Variants in ETS1 observed in about 807,000 individuals in gnomAD.
ETS1 encodes the protein ETS proto-oncogene 1, transcription factor.
ETS1 carries 15 observed loss-of-function variants against 58.6 expected under a neutral mutation model. The ratio of observed to expected loss-of-function variants is 0.26; its 90% CI spans 0.17 to 0.39. ETS1 has a LOEUF of 0.39. Ranked by LOEUF, ETS1 falls within the 10% of genes least tolerant of loss-of-function variation. ETS1 has a pLI of 1.00. For synonymous variants in ETS1, 214 were observed against 218.2 expected (o/e 0.98, Z 0.17); for missense variants, 417 against 610.5 (o/e 0.68, Z 3.34).
chr11:128,538,646 T>C (rs1864006071), intron 3 of ETS1, among the ~76,000 whole-genome samples: 1 of 152,136 alleles, frequency 6.6e-6, no homozygotes, highest in Non-Finnish European at 1.5e-5. Context: ...TTGGTAAGAT[T>C]TAAACAGGGT....
intron 3 of ETS1, among the ~76,000 whole-genome samples, chr11:128,518,799 G>A (rs958274980): frequency 1.3e-5 from 2 of 152,244 alleles, no homozygotes; most frequent in African/African-American, 4.8e-5. Context: ...CTATCTCTAA[G>A]TATAACGCAT....
At chr11:128,532,352 G>A (rs566317150) in intron 3 of ETS1, among the ~76,000 whole-genome samples, 22 of 152,332 alleles carry the variant, frequency 1.4e-4, no homozygotes, top group Admixed American at 7.2e-4. Context: ...TAAAAACACA[G>A]AATTTGCCAT....
intron 3 of ETS1, among the ~76,000 whole-genome samples, chr11:128,496,155 C>A (rs571265376): frequency 1.3e-5 from 2 of 152,114 alleles, no homozygotes; most frequent in South Asian, 4.2e-4. Context: ...AGAAAAAAAG[C>A]CTTCAAGTTA....
At chr11:128,468,443 T>C (rs1200343654) in intron 8 of ETS1, among the ~76,000 whole-genome samples, 1 of 152,186 alleles carries the variant, frequency 6.6e-6, no homozygotes, top group Non-Finnish European at 1.5e-5. Flanking sequence ...TTTCCCGATT[T>C]GTCAGTATCA....
chr11:128,574,707 C>A (rs1405940799), intron 1 of ETS1, among the ~76,000 whole-genome samples: 1 of 152,142 alleles, frequency 6.6e-6, no homozygotes, highest in African/African-American at 2.4e-5. Flanking sequence ...TCACTGAGCT[C>A]CATGGCTCCT....
chr11:128,549,254 C>T lies in ETS1; in HGVS notation c.214+7037G>A, dbSNP rs1336353938. Among the ~76,000 whole-genome samples the T allele has an allele frequency of 6.6e-6, 1 of 151,492 alleles. No homozygotes were observed. Among genetic ancestry groups the T allele is most frequent in the Non-Finnish European group, 1.5e-5 (1 of 67,946 alleles). On this transcript the variant is annotated intron_variant, in intron 3 of 9. Transcript: ENST00000392668. The surrounding 1 kb of genome is among the most constrained non-coding windows in gnomAD (Gnocchi z 4.3). ...GCAGCCCGCCCCCACCCTCCACTCT[C>T]ACGCGCCCCTCGCCCCTCGCCCCTC... is the stretch of plus-strand genomic sequence containing the variant.
intron 8 of ETS1, among the ~76,000 whole-genome samples, chr11:128,479,918 C>A (rs1862435455): frequency 1.3e-5 from 2 of 151,822 alleles, no homozygotes; most frequent in South Asian, 2.1e-4. Context: ...TCCCTTCCCC[C>A]AGACATGGAA....
chr11:128,465,216 T>C (rs1280269130), intron 8 of ETS1, among the ~76,000 whole-genome samples: 1 of 152,190 alleles, frequency 6.6e-6, no homozygotes, highest in East Asian at 1.9e-4. Context: ...TACCTCCTCT[T>C]TCTGAGAATG....
chr11:128,483,058 A>C (rs758334448), intron 7 of ETS1, among the ~76,000 whole-genome samples: 6 of 152,200 alleles, frequency 3.9e-5, no homozygotes, highest in Admixed American at 1.3e-4. Flanking sequence ...CTCAGAATCA[A>C]TTGGCCCTTT....
At chr11:128,557,336 T>A (rs968711751) in intron 2 of ETS1, among the ~76,000 whole-genome samples, 1 of 152,092 alleles carries the variant, frequency 6.6e-6, no homozygotes, top group Non-Finnish European at 1.5e-5. Context: ...AGACCCAACC[T>A]CTAAAAATAA....
At position 128,462,596 on chromosome 11, in the gene ETS1, A is replaced by G; in HGVS notation, c.1243-20T>C. On this transcript the variant is annotated intron_variant, in intron 9 of 9. Transcript: ENST00000392668. Reference sequence around the variant, plus strand: ...GGCCACCTGAAATTTAAAAAGAAAAATAAAGGAGGAGTAGGCAAAAATCTA... The same window carrying G: ...GGCCACCTGAAATTTAAAAAGAAAAGTAAAGGAGGAGTAGGCAAAAATCTA... 1.2e-6 allele frequency: 2 copies of G among 1,607,054 alleles called. No homozygotes were observed. The highest frequency in any genetic ancestry group is 1.7e-6 in the Non-Finnish European group (2 of 1,173,918).
intron 3 of ETS1, among the ~76,000 whole-genome samples, chr11:128,505,581 C>G (rs1037860482): frequency 1.3e-5 from 2 of 152,166 alleles, no homozygotes; most frequent in East Asian, 3.9e-4. Context: ...CTCGCCCACA[C>G]GGACCCAGGG....
At chr11:128,575,515 C>A (rs1468488582) in intron 1 of ETS1, among the ~76,000 whole-genome samples, 1 of 152,210 alleles carries the variant, frequency 6.6e-6, no homozygotes, top group Non-Finnish European at 1.5e-5. Flanking sequence ...CCACTATGTG[C>A]CAGACACGGT....
intron 8 of ETS1, among the ~76,000 whole-genome samples, chr11:128,475,133 C>T (rs1042982147): frequency 1.3e-5 from 2 of 152,284 alleles, no homozygotes; most frequent in Admixed American, 6.5e-5. Context: ...CAAATTCACA[C>T]TGCACTAGTA....
intron 8 of ETS1, among the ~76,000 whole-genome samples, chr11:128,479,439 C>T (rs1862421146): frequency 6.6e-6 from 1 of 152,230 alleles, no homozygotes; most frequent in African/African-American, 2.4e-5. Flanking sequence ...GGCTATTTCT[C>T]AGATATACTC....
At chr11:128,475,559 T>TC (rs2135431222) in intron 8 of ETS1, among the ~76,000 whole-genome samples, 1 of 146,964 alleles carries the variant, frequency 6.8e-6, no homozygotes, top group South Asian at 2.2e-4. Context: ...CACAGGGCTT[T>TC]TTTTTTTTTT....
At chr11:128,556,267 C>T in intron 3 of ETS1, 24 bp downstream of exon 3, 1 of 1,588,822 alleles carries the variant, frequency 6.3e-7, no homozygotes, top group East Asian at 2.2e-5. Flanking sequence ...TATCCTCATT[C>T]CCAGCTTTTG....
In ETS1 at chr11:128,484,873, T is replaced by C. The variant is rs747640407; in HGVS notation, c.812A>G (p.Lys271Arg). ...DTLQNDYFAI[K>R]QEVVTPDNMC... ...GTTGTCTGGGGTGACGACTTCTTGTTTGATAGCAAAGTAGTCATTCTGCAA... is the reference window on the plus strand; with the variant it reads ...GTTGTCTGGGGTGACGACTTCTTGTCTGATAGCAAAGTAGTCATTCTGCAA... Residue 271 changes from lysine (K) to arginine (R), a missense_variant, in exon 7 of 10, where the codon AAA becomes AGA. Physicochemically the swap from Lys to Arg is conservative, Grantham distance 26. Transcript: ENST00000392668. The C allele has an allele frequency of 2.0e-5, 33 of 1,613,918 alleles. No homozygotes were observed. The highest frequency in any genetic ancestry group is 2.5e-5 in the Non-Finnish European group (30 of 1,179,922).
chr11:128,585,136 A>AAAAG (rs778744570), intron 1 of ETS1, among the ~76,000 whole-genome samples: 258 of 13,952 alleles, frequency 0.018, 61 homozygotes, highest in Non-Finnish European at 0.021. Flanking sequence ...AGAAAGAAAG[A>AAAAG]AAAGAAAGAA....
Sources: allele counts gnomAD v4.1 joint callset (sites outside exome capture counted in the v4.1 genomes callset), GRCh38; gene constraint gnomAD v4.1.1; non-coding constraint Gnocchi (gnomAD v3.1); transcripts MANE v1.5; gene names NCBI Gene and HGNC (gene_info 2026-07-23, HGNC 2026-07-21).